SLC14A2: variants seen among roughly 807,000 people sequenced by gnomAD.
SLC14A2 encodes solute carrier family 14 member 2.
A neutral mutation model predicts 104.6 loss-of-function variants in SLC14A2; 91 were observed. The ratio of observed to expected loss-of-function variants is 0.87; its 90% CI spans 0.73 to 1.04. The LOEUF (loss-of-function observed/expected upper bound fraction) is 1.04. SLC14A2 is among the 50% of genes least tolerant of loss of function. The probability of loss-of-function intolerance (pLI) is 0.00; values close to 1 mark genes in which losing one functional copy is unlikely to be tolerated. For synonymous variants in SLC14A2, 476 were observed against 466.4 expected, an observed-to-expected ratio of 1.02 and a Z score of -0.27; for missense variants, 1,189 against 1,156.0, an observed-to-expected ratio of 1.03 and a Z score of -0.41.
chr18:45,456,913 G>C (rs1177933504), intron 1 of SLC14A2, among the ~76,000 whole-genome samples: 1 of 152,132 alleles, frequency 6.6e-6, no homozygotes, highest in Admixed American at 6.5e-5. Flanking sequence ...GGGTTGGGAA[G>C]CATGAGGAAA....
chr18:45,445,894 G>A (rs34110123), intron 1 of SLC14A2, among the ~76,000 whole-genome samples: 20,755 of 152,188 alleles, frequency 0.14, 1,529 homozygotes, highest in Middle Eastern at 0.22. Flanking sequence ...TTAGTAACAC[G>A]TGGAAAGGAA....
chr18:45,491,215 C>G (rs1277981908), intron 2 of SLC14A2, among the ~76,000 whole-genome samples: 1 of 152,088 alleles, frequency 6.6e-6, no homozygotes, highest in Non-Finnish European at 1.5e-5. Flanking sequence ...AAATGTTCAT[C>G]AATAGAGCAA....
intron 1 of SLC14A2, among the ~76,000 whole-genome samples, chr18:45,353,444 G>C (rs1057384907): frequency 6.6e-6 from 1 of 152,168 alleles, no homozygotes; most frequent in African/African-American, 2.4e-5. Context: ...TGGGAAGATG[G>C]GAAAGTTAGT....
At chr18:45,270,530 A>G (rs1451206941) in intron 1 of SLC14A2, among the ~76,000 whole-genome samples, 1 of 152,170 alleles carries the variant, frequency 6.6e-6, no homozygotes, top group African/African-American at 2.4e-5. Context: ...CTGAGAGGCT[A>G]AATGACTCAT....
At chr18:45,245,734 ACTC>A (rs1015435262) in intron 1 of SLC14A2, among the ~76,000 whole-genome samples, 1 of 151,996 alleles carries the variant, frequency 6.6e-6, no homozygotes, top group African/African-American at 2.4e-5. Context: ...ACACAATTTA[ACTC>A]ATCATTCCTT....
intron 1 of SLC14A2, among the ~76,000 whole-genome samples, chr18:45,283,834 T>C (rs2084787410): frequency 6.6e-6 from 1 of 152,188 alleles, no homozygotes; most frequent in Non-Finnish European, 1.5e-5. Context: ...GAGAGATCAC[T>C]GGAAGCCCTT....
chr18:45,219,193 G>A (rs544331018), intron 1 of SLC14A2, among the ~76,000 whole-genome samples: 138 of 152,190 alleles, frequency 9.1e-4, no homozygotes, highest in African/African-American at 3.1e-3. Context: ...CATATTATTC[G>A]TTTTAAAATC....
the SLC14A2 span, among the ~76,000 whole-genome samples, chr18:45,204,958 G>C: frequency 6.6e-6 from 1 of 152,196 alleles, no homozygotes; most frequent in African/African-American, 2.4e-5. Context: ...TTGGCTGAGT[G>C]AGGAAATACC....
At chr18:45,239,936 A>G (rs2084294684) in intron 1 of SLC14A2, among the ~76,000 whole-genome samples, 1 of 152,088 alleles carries the variant, frequency 6.6e-6, no homozygotes, top group South Asian at 2.1e-4. Context: ...AATGTCACAA[A>G]TGACAGAATT....
intron 4 of SLC14A2, among the ~76,000 whole-genome samples, chr18:45,630,177 A>C (rs772703777): frequency 5.9e-5 from 9 of 152,228 alleles, no homozygotes; most frequent in Admixed American, 5.9e-4. Flanking sequence ...ATACACCCAC[A>C]GTGCCTAGAA....
At chr18:45,441,407 C>T (rs938335729) in intron 1 of SLC14A2, among the ~76,000 whole-genome samples, 1 of 152,126 alleles carries the variant, frequency 6.6e-6, no homozygotes, top group African/African-American at 2.4e-5. Flanking sequence ...CCAGTCAAAA[C>T]CCTAAAAGAA....
At chr18:45,437,098 G>A (rs1457083476) in intron 1 of SLC14A2, among the ~76,000 whole-genome samples, 5 of 152,184 alleles carry the variant, frequency 3.3e-5, no homozygotes, top group African/African-American at 1.2e-4. Context: ...ATAGATGTAC[G>A]CGCTAATGGA....
intron 2 of SLC14A2, among the ~76,000 whole-genome samples, chr18:45,601,113 C>A (rs1043761588): frequency 6.6e-6 from 1 of 152,186 alleles, no homozygotes; most frequent in Non-Finnish European, 1.5e-5. Flanking sequence ...CTGACTGCCT[C>A]CCCTCAGGAT....
chr18:45,323,428 A>G (rs906096168), intron 1 of SLC14A2, among the ~76,000 whole-genome samples: 1 of 152,174 alleles, frequency 6.6e-6, no homozygotes, highest in African/African-American at 2.4e-5. Context: ...GCCCATAAAG[A>G]TTTAACAAGT....
chr18:45,551,522 C>T (rs949024316), intron 2 of SLC14A2, among the ~76,000 whole-genome samples: 2 of 152,180 alleles, frequency 1.3e-5, no homozygotes, highest in African/African-American at 4.8e-5. Context: ...TCTGTCTGGG[C>T]CGGCCCTCGA....
chr18:45,381,770 T>C (rs1178707227), intron 1 of SLC14A2, among the ~76,000 whole-genome samples: 2 of 152,012 alleles, frequency 1.3e-5, no homozygotes, highest in African/African-American at 4.8e-5. Flanking sequence ...GGCACCAGGT[T>C]TGAGAGGCCA....
Position 45,445,182 on chromosome 18 carries a change from G to T in SLC14A2, c.-124-38051G>T, listed in dbSNP as rs985926511. On this transcript the variant is annotated intron_variant, in intron 1 of 20. Coordinates refer to the SLC14A2 transcript ENST00000586448. ...GCTGAAGTGCAGTGGCACAACGTTG[G>T]CTCACCGAAACCTCCGCCTCCCAGG... Among the ~76,000 whole-genome samples the T allele has an allele frequency of 2.8e-5, 4 of 144,438 alleles. No individual in the cohort carries two copies. In the Admixed American group the frequency reaches 3.0e-4, roughly 11 times the overall value. 94.8% of individuals were successfully genotyped at this position (144,438 alleles called of 152,430 possible).
intron 1 of SLC14A2, among the ~76,000 whole-genome samples, chr18:45,308,510 G>A (rs945641425): frequency 3.9e-5 from 6 of 152,094 alleles, no homozygotes; most frequent in African/African-American, 1.2e-4. Context: ...GCTGAACATC[G>A]TGTGTAGCTG....
chr18:45,656,387 A>T (rs775149356), intron 10 of SLC14A2, among the ~76,000 whole-genome samples: 6 of 152,222 alleles, frequency 3.9e-5, no homozygotes, highest in South Asian at 2.1e-4. Flanking sequence ...GTGAAGCTTG[A>T]TGAAGTTGTT....
Sources: gnomAD v4.1 joint callset for allele counts (sites outside exome capture counted in the v4.1 genomes callset) on GRCh38, gnomAD v4.1.1 for gene constraint, MANE v1.5 for transcripts, NCBI Gene and HGNC (gene_info 2026-07-23, HGNC 2026-07-21) for gene names.